CHORDC1: variants seen among roughly 807,000 people sequenced by gnomAD.
The protein encoded by CHORDC1 is cysteine and histidine-rich domain-containing protein 1.
In CHORDC1, 25 loss-of-function variants were observed where a neutral mutation model predicts 48.3. That is an observed-to-expected ratio of 0.52 (90% CI 0.38 to 0.72). CHORDC1 has a LOEUF of 0.72. Among genes scored for constraint, CHORDC1 ranks in the 30% least tolerant of loss-of-function variants. CHORDC1 has a pLI of 0.00. For missense variants in CHORDC1, 317 were observed against 388.7 expected (o/e 0.82, Z 1.55); for synonymous variants, 128 against 126.4 (o/e 1.01, Z -0.09).
chr11:90,203,998 A>C (rs564829692), intron 8 of CHORDC1, among the ~76,000 whole-genome samples: 1 of 152,214 alleles, frequency 6.6e-6, no homozygotes, highest in East Asian at 1.9e-4. Flanking sequence ...ATACTGCCCT[A>C]CCAGTATTTT....
chr11:90,205,391 T>A lies in CHORDC1; in HGVS notation c.669+69A>T, dbSNP rs982523148. On this transcript the variant is annotated intron_variant, in intron 8 of 10. Transcript: ENST00000320585. ...TTTTTAAAATCTAAAGACAGAATAA[T>A]TTCAAATCTTTAAAAAATGACTCAG... The A allele has an allele frequency of 4.0e-6, 4 of 1,003,984 alleles. No individual in the cohort carries two copies. The East Asian group carries it at 7.2e-5, about 18-fold the overall frequency. 62.2% of individuals were successfully genotyped at this position (1,003,984 alleles called of 1,614,324 possible).
intron 6 of CHORDC1, chr11:90,206,669 G>A: frequency 1.6e-6 from 1 of 607,552 alleles, no homozygotes; most frequent in Non-Finnish European, 2.6e-6. Context: ...AATAATATGA[G>A]AAATCTAATA....
Position 90,202,233 on chromosome 11 carries a change from A to C in CHORDC1, c.*172T>G. 1 of 612,098 alleles carries C rather than the reference A, an allele frequency of 1.6e-6. No individual in the cohort carries two copies. Among genetic ancestry groups the C allele is most frequent in the South Asian group, 2.0e-5 (1 of 49,192 alleles). The allele number at this position is 612,098 out of a possible 1,614,324, so 37.9% of individuals were successfully genotyped here. ...CAATCTTACATAACACAAAAGAAAG[A>C]TGAGAGGCACAAAAAGACAAACTGA... On this transcript the variant is annotated 3_prime_UTR_variant, in exon 11 of 11. Coordinates refer to ENST00000320585, the MANE Select transcript of CHORDC1 (RefSeq NM_012124.3).
chr11:90,221,029 T>C (rs1190183553), intron 1 of CHORDC1, among the ~76,000 whole-genome samples: 2 of 151,622 alleles, frequency 1.3e-5, no homozygotes, highest in Non-Finnish European at 2.9e-5. Context: ...TTTCTGTCTC[T>C]AGGGGGAAAA....
intron 2 of CHORDC1, chr11:90,217,783 C>G (rs1858051922): frequency 6.4e-6 from 1 of 156,806 alleles, no homozygotes; most frequent in African/African-American, 2.4e-5. Flanking sequence ...GCCTGTAATC[C>G]CGGCTCCTCA....
At chr11:90,222,115 A>T (rs1162248735) in intron 1 of CHORDC1, among the ~76,000 whole-genome samples, 1 of 152,220 alleles carries the variant, frequency 6.6e-6, no homozygotes, top group Non-Finnish European at 1.5e-5. Flanking sequence ...GTCAATCAAA[A>T]TTTCAATTCA....
chr11:90,222,452 CCCGG>C (rs574005689), intron 1 of CHORDC1: 123 of 362,904 alleles, frequency 3.4e-4, no homozygotes, highest in African/African-American at 1.6e-3. Flanking sequence ...CGCTGCTCAT[CCCGG>C]CCACCTCTCC....
chr11:90,206,892 A>T, intron 6 of CHORDC1: 1 of 523,016 alleles, frequency 1.9e-6, no homozygotes. Flanking sequence ...TATTTATAGC[A>T]CTACCTACAA....
intron 1 of CHORDC1, among the ~76,000 whole-genome samples, 153 bp from the exon 2 acceptor site, chr11:90,218,337 A>C (rs1251416798): frequency 6.6e-6 from 1 of 152,190 alleles, no homozygotes; most frequent in Non-Finnish European, 1.5e-5. Context: ...CGTGCAGCAC[A>C]AAGTGTACTA....
chr11:90,213,955 A>G (rs1857936450), intron 4 of CHORDC1, 63 bp downstream of exon 4: 1 of 1,346,222 alleles, frequency 7.4e-7, no homozygotes, highest in African/African-American at 1.5e-5. Flanking sequence ...TCATAAAGGA[A>G]AGTACCATGC....
At chr11:90,202,655 A>G in intron 10 of CHORDC1, 104 bp from the exon 11 acceptor site, 12 of 1,420,636 alleles carry the variant, frequency 8.4e-6, no homozygotes, top group Non-Finnish European at 1.1e-5. Flanking sequence ...CCAAGCTTCT[A>G]AAGGCCTCTT....
intron 1 of CHORDC1, among the ~76,000 whole-genome samples, chr11:90,218,834 G>C (rs553441992): frequency 6.6e-6 from 1 of 152,070 alleles, no homozygotes; most frequent in South Asian, 2.1e-4. Context: ...GCCCTGTCTG[G>C]AAAGTGAGGA....
intron 6 of CHORDC1, 148 bp downstream of exon 6, chr11:90,210,388 T>G (rs1039721218): frequency 7.9e-5 from 43 of 541,260 alleles, no homozygotes; most frequent in Non-Finnish European, 1.0e-5. Flanking sequence ...ACTCAGAGTC[T>G]CTTATCCATG....
chr11:90,220,175 C>G (rs1487100065), intron 1 of CHORDC1, among the ~76,000 whole-genome samples: 1 of 152,114 alleles, frequency 6.6e-6, no homozygotes, highest in Non-Finnish European at 1.5e-5. Context: ...AAAGATTGAA[C>G]ACCCTTGCTC....
chr11:90,201,902 GAATT>G lies in CHORDC1; in HGVS notation c.*499_*502del, dbSNP rs1311828755. The G allele has an allele frequency of 6.6e-6, 1 of 152,168 alleles. No homozygotes were observed. The highest frequency in any genetic ancestry group is 1.9e-4 in the East Asian group (1 of 5,182). The allele number at this position is 152,168 out of a possible 1,614,324, so 9.4% of individuals were successfully genotyped here. ...CCCCTTTAGTTACTATACTACCTCA[GAATT>G]AATCCTCCTTAAAAAAGTAATCATC... On this transcript the variant is annotated 3_prime_UTR_variant, in exon 11 of 11. Transcript: ENST00000320585.
intron 3 of CHORDC1, 113 bp downstream of exon 3, chr11:90,215,061 G>C (rs992966744): frequency 7.4e-5 from 38 of 510,878 alleles, no homozygotes; most frequent in Non-Finnish European, 1.1e-4. Flanking sequence ...GGTGTTATCT[G>C]CAAGTTGATG....
intron 4 of CHORDC1, chr11:90,212,017 T>C (rs1458344187): frequency 5.9e-5 from 9 of 152,230 alleles, no homozygotes; most frequent in East Asian, 1.9e-4. Flanking sequence ...AGGCAAGGCA[T>C]GGTCGCTTAT....
chr11:90,206,999 A>C, intron 6 of CHORDC1: 1 of 339,756 alleles, frequency 2.9e-6, no homozygotes, highest in Non-Finnish European at 5.7e-6. Context: ...CATAAAACTC[A>C]GTATGTTAGC....
intron 4 of CHORDC1, chr11:90,213,071 C>G: frequency 4.5e-6 from 1 of 219,894 alleles, no homozygotes; most frequent in Non-Finnish European, 8.9e-6. Context: ...TTTCTAACTG[C>G]TAAACTGGCC....
Sources: allele counts gnomAD v4.1 joint callset (sites outside exome capture counted in the v4.1 genomes callset), GRCh38; gene constraint gnomAD v4.1.1; transcripts MANE v1.5; gene names NCBI Gene and HGNC (gene_info 2026-07-23, HGNC 2026-07-21).